Variants in NMD3 observed in about 807,000 individuals in gnomAD.
NMD3 encodes the protein NMD3 ribosome export adaptor.
In NMD3, 47 loss-of-function variants were observed where a neutral mutation model predicts 73.1. The ratio of observed to expected loss-of-function variants is 0.64; its 90% CI spans 0.51 to 0.82. NMD3 has a LOEUF of 0.82. Among genes scored for constraint, NMD3 ranks in the 40% least tolerant of loss-of-function variants. The probability of loss-of-function intolerance (pLI) is 0.00; values close to 1 mark genes in which losing one functional copy is unlikely to be tolerated. For missense variants in NMD3, 554 were observed against 612.5 expected (o/e 0.90, Z 1.01); for synonymous variants, 210 against 194.5 (o/e 1.08, Z -0.66).
rs372895797 is a variant in NMD3 at position 161,247,314 on chromosome 3, A to G, written c.1187A>G (p.Asp396Gly). The change falls in exon 13 of 16, where the codon GAT (aspartate) becomes GGT (glycine). Residue 396 changes from aspartate (D) to glycine (G), a missense_variant. Physicochemically the swap from Asp to Gly is moderately conservative, Grantham distance 94. Transcript: ENST00000351193. ...GAGCATGTCAACAAAATGAACTCAG[A>G]TAGAGTTCCAGATGTGGTAAGGCTT... Reference protein sequence around the residue: ...NDEHVNKMNSDRVPDVVLIKK... With the variant: ...NDEHVNKMNSGRVPDVVLIKK... The G allele has an allele frequency of 8.8e-5, 141 of 1,606,644 alleles. No homozygotes were observed. The highest frequency in any genetic ancestry group is 1.5e-4 in the Admixed American group (9 of 59,946).
intron 3 of NMD3, 100 bp downstream of exon 3, chr3:161,225,164 G>A (rs1223689766): frequency 4.0e-6 from 5 of 1,261,178 alleles, no homozygotes; most frequent in Non-Finnish European, 5.4e-6. Context: ...GGAGTAAAGT[G>A]CATGCAATTA....
intron 3 of NMD3, among the ~76,000 whole-genome samples, 160 bp from the exon 4 acceptor site, chr3:161,227,087 A>C: frequency 6.6e-6 from 1 of 152,202 alleles, no homozygotes; most frequent in East Asian, 1.9e-4. Context: ...TCTAGTTGAA[A>C]GTTTTGGAAC....
intron 4 of NMD3, among the ~76,000 whole-genome samples, chr3:161,229,962 T>C (rs1316896306): frequency 4.6e-5 from 7 of 152,086 alleles, no homozygotes. Flanking sequence ...TTAGTGGTGG[T>C]GGTAAAGATG....
chr3:161,251,744 T>C lies in NMD3; in HGVS notation c.*834T>C, dbSNP rs1474389826. 1 of 152,084 alleles carries C rather than the reference T, an allele frequency of 6.6e-6. No individual in the cohort carries two copies. The highest frequency in any genetic ancestry group is 6.6e-5 in the Admixed American group (1 of 15,258). 9.4% of individuals were successfully genotyped at this position (152,084 alleles called of 1,614,324 possible). ...TTTCTGTCATTGAACAGATCACCAT[T>C]AAAAAGAATATTAGAATCCAGCATG... On this transcript the variant is annotated 3_prime_UTR_variant, in exon 16 of 16. Transcript: ENST00000351193.
intron 2 of NMD3, 54 bp downstream of exon 2, chr3:161,222,111 C>T (rs1480172024): frequency 1.0e-5 from 15 of 1,444,662 alleles, no homozygotes; most frequent in Non-Finnish European, 1.2e-5. Flanking sequence ...TCAGTGAGCC[C>T]GGGAAACTCA....
intron 13 of NMD3, among the ~76,000 whole-genome samples, chr3:161,248,212 G>A (rs1057282735): frequency 6.6e-6 from 1 of 151,924 alleles, no homozygotes; most frequent in East Asian, 1.9e-4. Context: ...AAATTTAGCC[G>A]GGTGCGGTGG....
At chr3:161,235,316 A>C (rs896667763) in intron 7 of NMD3, 104 bp downstream of exon 7, 1 of 511,930 alleles carries the variant, frequency 2.0e-6, no homozygotes, top group Non-Finnish European at 3.4e-6. Context: ...TACTGTCCAA[A>C]AGAACTTTCT....
chr3:161,248,900 G>T (rs1737359965), intron 13 of NMD3, among the ~76,000 whole-genome samples: 2 of 152,148 alleles, frequency 1.3e-5, no homozygotes, highest in Admixed American at 1.3e-4. Flanking sequence ...GATAAATTAG[G>T]AATTAACAGC....
chr3:161,228,641 A>G (rs1046394609), intron 4 of NMD3, among the ~76,000 whole-genome samples: 3 of 151,842 alleles, frequency 2.0e-5, no homozygotes, highest in Non-Finnish European at 4.4e-5. Context: ...TTTTTGTCAA[A>G]TGTCTAGTGA....
At chr3:161,231,607 CTT>C (rs754850443) in intron 4 of NMD3, among the ~76,000 whole-genome samples, 5 of 152,146 alleles carry the variant, frequency 3.3e-5, no homozygotes, top group Admixed American at 6.5e-5. Flanking sequence ...AGTCTAATGA[CTT>C]TAGACTTAGA....
chr3:161,233,023 C>T (rs1467342722), intron 4 of NMD3, among the ~76,000 whole-genome samples: 2 of 151,790 alleles, frequency 1.3e-5, no homozygotes, highest in Non-Finnish European at 2.9e-5. Context: ...CAAGTGGAAA[C>T]TTTTGTTCAT....
Position 161,234,724 on chromosome 3 carries a change from C to T in NMD3, c.358-3C>T. ...GAATGAAGGAGTGTAATTGTTTTAT[C>T]AGGTGATGAATGGTGCTATCCTTCA... is the stretch of plus-strand genomic sequence containing the variant. On this transcript the variant is annotated splice_polypyrimidine_tract_variant and splice_region_variant and intron_variant, in intron 5 of 15. Transcript: ENST00000351193. 6.3e-7 allele frequency: 1 copy of T among 1,599,500 alleles called. No homozygotes were observed.
intron 4 of NMD3, among the ~76,000 whole-genome samples, chr3:161,227,852 C>T (rs1736383329): frequency 6.6e-6 from 1 of 151,950 alleles, no homozygotes; most frequent in South Asian, 2.1e-4. Context: ...TATCTTTTTG[C>T]TTTAAAAAGA....
Position 161,225,000 on chromosome 3 carries a change from A to G in NMD3, c.115A>G (p.Lys39Glu), listed in dbSNP as rs1339160763. ...TATTTGTGTGGCCTGTTTGCGAAGT[A>G]AAGTGGACATCAGCCAAGGTATTCC... ...ANICVACLRSKVDISQGIPKQ... is the reference protein window; with the variant it reads ...ANICVACLRSEVDISQGIPKQ... Residue 39 changes from lysine to glutamate, a missense_variant, in exon 3 of 16, where the codon AAA becomes GAA. Lys to Glu is a moderately conservative substitution (Grantham distance 56, BLOSUM62 1). Coordinates refer to ENST00000351193, the MANE Select transcript of NMD3 (RefSeq NM_015938.5). The G allele has an allele frequency of 2.5e-6, 4 of 1,614,072 alleles. No individual in the cohort carries two copies. The highest frequency in any genetic ancestry group is 3.4e-6 in the Non-Finnish European group (4 of 1,179,996).
At chr3:161,237,538 CTTTTTTTTTT>C (rs71628447) in intron 7 of NMD3, among the ~76,000 whole-genome samples, 4 of 108,824 alleles carry the variant, frequency 3.7e-5, no homozygotes, top group Admixed American at 2.1e-4. Context: ...AAATAACTTT[CTTTTTTTTTT>C]TTTTTTTTTG....
At position 161,251,537 on chromosome 3, in the gene NMD3, ATT is replaced by A. The variant is rs1416475949; in HGVS notation, c.*629_*630del. On this transcript the variant is annotated 3_prime_UTR_variant, in exon 16 of 16. Transcript: ENST00000351193. ...CAGTAGGAGGAAATATATTTAAAAT[ATT>A]TGTAGATTTATAGCAAATAGAGACT... The A allele has an allele frequency of 1.3e-5, 2 of 152,130 alleles. No individual in the cohort carries two copies. Among genetic ancestry groups the A allele is most frequent in the African/African-American group, 4.8e-5 (2 of 41,442 alleles). 9.4% of individuals were successfully genotyped at this position (152,130 alleles called of 1,614,324 possible). A position where few individuals can be genotyped will look rare whatever the true frequency, so the allele number is the denominator to read the frequency against.
At chr3:161,245,136 G>T (rs1483746376) in intron 11 of NMD3, among the ~76,000 whole-genome samples, 2 of 138,832 alleles carry the variant, frequency 1.4e-5, no homozygotes, top group Non-Finnish European at 3.2e-5. Context: ...GACTCCCAGG[G>T]TACCCTTGTG....
chr3:161,247,383 C>T (rs1035931516), intron 13 of NMD3, 53 bp downstream of exon 13: 172 of 1,078,370 alleles, frequency 1.6e-4, no homozygotes, highest in Admixed American at 2.2e-4. Context: ...ATGAATGTAA[C>T]TCTTAGGGGT....
chr3:161,228,820 C>G (rs1736427902), intron 4 of NMD3, among the ~76,000 whole-genome samples: 1 of 152,062 alleles, frequency 6.6e-6, no homozygotes, highest in Non-Finnish European at 1.5e-5. Context: ...TGTTAGTATG[C>G]AGCGATCAAA....
Sources: allele counts gnomAD v4.1 joint callset (sites outside exome capture counted in the v4.1 genomes callset), GRCh38; gene constraint gnomAD v4.1.1; transcripts MANE v1.5; gene names NCBI Gene and HGNC (gene_info 2026-07-23, HGNC 2026-07-21).